Variants in MAD1L1 observed in about 807,000 individuals in gnomAD.
MAD1L1 encodes the protein mitotic arrest deficient 1 like 1.
A neutral mutation model predicts 96.9 loss-of-function variants in MAD1L1; 95 were observed. That is an observed-to-expected ratio of 0.98 (90% CI 0.83 to 1.16). The LOEUF is 1.16. MAD1L1 is among the 50% of genes most tolerant of loss of function. The probability of loss-of-function intolerance (pLI) is 0.00; values close to 1 mark genes in which losing one functional copy is unlikely to be tolerated. For missense variants in MAD1L1, 1,007 were observed against 954.4 expected (o/e 1.06, Z -0.73); for synonymous variants, 473 against 396.6 (o/e 1.19, Z -2.29).
intron 12 of MAD1L1, among the ~76,000 whole-genome samples, chr7:2,028,300 C>T (rs1783070951): frequency 6.6e-6 from 1 of 151,816 alleles, no homozygotes; most frequent in African/African-American, 2.4e-5. Context: ...TGGTGGGCGC[C>T]TGTAGTCCCA....
intron 12 of MAD1L1, among the ~76,000 whole-genome samples, chr7:2,046,920 C>T (rs934620127): frequency 2.6e-5 from 4 of 152,230 alleles, no homozygotes; most frequent in Admixed American, 6.5e-5. Flanking sequence ...CTGCACCACA[C>T]GCTGCGCACA....
chr7:1,885,660 G>A (rs547982911), intron 18 of MAD1L1, among the ~76,000 whole-genome samples: 4 of 152,316 alleles, frequency 2.6e-5, no homozygotes, highest in East Asian at 3.9e-4. Flanking sequence ...CTGGCTAAGA[G>A]CTGTTGCCAT....
chr7:1,878,399 G>C (rs747541144), intron 18 of MAD1L1, among the ~76,000 whole-genome samples: 1 of 151,932 alleles, frequency 6.6e-6, no homozygotes, highest in Non-Finnish European at 1.5e-5. Flanking sequence ...CAAGATCATA[G>C]ATGCAAAAAT....
intron 14 of MAD1L1, among the ~76,000 whole-genome samples, chr7:1,994,260 T>C (rs1225683772): frequency 6.6e-6 from 1 of 152,088 alleles, no homozygotes; most frequent in African/African-American, 2.4e-5. Flanking sequence ...GTGGCGGTGA[T>C]GGTGAAGGTG....
chr7:2,050,947 C>G (rs1584191885), intron 12 of MAD1L1, among the ~76,000 whole-genome samples: 2 of 152,362 alleles, frequency 1.3e-5, no homozygotes, highest in South Asian at 2.1e-4. Flanking sequence ...TGGCAGGGAA[C>G]CATGCCTTTG....
chr7:2,216,573 T>C (rs961060277), intron 7 of MAD1L1, among the ~76,000 whole-genome samples: 4 of 152,146 alleles, frequency 2.6e-5, no homozygotes, highest in African/African-American at 9.7e-5. Context: ...AACCATACAC[T>C]GTCCCACTCC....
At chr7:1,856,815 G>A (rs548198566) in intron 18 of MAD1L1, among the ~76,000 whole-genome samples, 10 of 152,118 alleles carry the variant, frequency 6.6e-5, no homozygotes, top group South Asian at 2.1e-4. Flanking sequence ...GGGCCACAAC[G>A]GCTGGAGGGA....
intron 18 of MAD1L1, among the ~76,000 whole-genome samples, chr7:1,864,024 C>G (rs552504175): frequency 3.4e-4 from 52 of 152,240 alleles, no homozygotes; most frequent in African/African-American, 1.2e-3. Context: ...TCTGGAGGAG[C>G]AGAGGTTGCA....
intron 12 of MAD1L1, among the ~76,000 whole-genome samples, chr7:2,060,403 T>C (rs1217463289): frequency 6.7e-6 from 1 of 149,284 alleles, no homozygotes; most frequent in South Asian, 2.1e-4. Context: ...ACGCTGATGC[T>C]GAGATACACT....
chr7:1,820,144 CTG>C (rs1274143241), intron 18 of MAD1L1, among the ~76,000 whole-genome samples: 1 of 152,088 alleles, frequency 6.6e-6, no homozygotes, highest in African/African-American at 2.4e-5. Flanking sequence ...AACAGGAAAA[CTG>C]TAAGTGCCTG....
rs113771878 is a variant in MAD1L1 at position 1,939,132 on chromosome 7, G to A, written c.1597-2235C>T. Among the ~76,000 whole-genome samples the A allele has an allele frequency of 1.6e-3, 179 of 110,804 alleles. 2 individuals are homozygous for A. Among genetic ancestry groups the A allele is most frequent in the Middle Eastern group, 0.01 (1 of 96 alleles). 72.7% of individuals were successfully genotyped at this position (110,804 alleles called of 152,430 possible). On this transcript the variant is annotated intron_variant, in intron 16 of 18. Transcript: ENST00000265854. ...GGGCCAGAGGCGCGCACACACACAC[G>A]GGCCAGGGCCGGGACCAGAGGCGCA...
chr7:1,885,508 G>A (rs150469838), intron 18 of MAD1L1, among the ~76,000 whole-genome samples: 75 of 152,268 alleles, frequency 4.9e-4, no homozygotes, highest in African/African-American at 1.7e-3. Flanking sequence ...ACAGGGGTGC[G>A]GTCGGAAGGG....
intron 11 of MAD1L1, among the ~76,000 whole-genome samples, chr7:2,097,333 A>T (rs544028238): frequency 6.6e-6 from 1 of 152,308 alleles, no homozygotes; most frequent in South Asian, 2.1e-4. Context: ...GCCAAGACCA[A>T]GTGGACAGGA....
At chr7:2,043,558 G>A (rs1783786908) in intron 12 of MAD1L1, among the ~76,000 whole-genome samples, 1 of 152,240 alleles carries the variant, frequency 6.6e-6, no homozygotes, top group African/African-American at 2.4e-5. Flanking sequence ...TGATGCCCGG[G>A]TACCGTGCCT....
intron 3 of MAD1L1, among the ~76,000 whole-genome samples, chr7:2,228,889 A>C (rs911267348): frequency 6.6e-6 from 1 of 151,888 alleles, no homozygotes; most frequent in African/African-American, 2.4e-5. Context: ...TACAGGTGCC[A>C]CGCCCAGCTA....
At chr7:2,140,323 GT>G (rs1788966759) in intron 11 of MAD1L1, among the ~76,000 whole-genome samples, 1 of 152,212 alleles carries the variant, frequency 6.6e-6, no homozygotes, top group Non-Finnish European at 1.5e-5. Flanking sequence ...CCCTGCACAT[GT>G]TCTTACACAG....
intron 12 of MAD1L1, among the ~76,000 whole-genome samples, chr7:2,033,202 TCA>T (rs1446879301): frequency 6.6e-6 from 1 of 152,208 alleles, no homozygotes; most frequent in African/African-American, 2.4e-5. Context: ...CATCCCATTC[TCA>T]CAGAGACAGC....
intron 17 of MAD1L1, among the ~76,000 whole-genome samples, chr7:1,912,256 G>A (rs940238225): frequency 6.6e-6 from 1 of 152,240 alleles, no homozygotes; most frequent in Non-Finnish European, 1.5e-5. Flanking sequence ...GATGAAGGAT[G>A]GCCATCTGAG....
chr7:2,039,936 T>C (rs1399382899), intron 12 of MAD1L1, among the ~76,000 whole-genome samples: 1 of 151,862 alleles, frequency 6.6e-6, no homozygotes, highest in Non-Finnish European at 1.5e-5. Flanking sequence ...ATAAGTGAAA[T>C]AAAGAACACA....
Sources: allele counts gnomAD v4.1 joint callset (sites outside exome capture counted in the v4.1 genomes callset), GRCh38; gene constraint gnomAD v4.1.1; transcripts MANE v1.5; gene names NCBI Gene and HGNC (gene_info 2026-07-23, HGNC 2026-07-21).